The following JAZF1 variants were observed in gnomAD, a reference collection of about 807,000 sequenced individuals.
JAZF1 encodes the protein juxtaposed with another zinc finger protein 1.
A neutral mutation model predicts 26.4 loss-of-function variants in JAZF1; 8 were observed. The ratio of observed to expected loss-of-function variants is 0.30; its 90% confidence interval spans 0.18 to 0.55. The LOEUF is 0.55. Among genes scored for constraint, JAZF1 ranks in the 20% least tolerant of loss-of-function variants. The pLI is 0.94. For synonymous variants in JAZF1, 126 were observed against 122.3 expected, an observed-to-expected ratio of 1.03 and a Z score of -0.20; for missense variants, 199 against 322.0, an observed-to-expected ratio of 0.62 and a Z score of 2.92.
At chr7:27,942,480 G>A (rs1362261273) in intron 2 of JAZF1, among the ~76,000 whole-genome samples, 3 of 152,160 alleles carry the variant, frequency 2.0e-5, no homozygotes, top group African/African-American at 7.2e-5. Context: ...CATTTACTAC[G>A]TGCCAGTCAC....
intron 1 of JAZF1, among the ~76,000 whole-genome samples, chr7:28,067,358 C>A (rs1201196632): frequency 3.9e-5 from 6 of 152,196 alleles, no homozygotes; most frequent in Non-Finnish European, 7.3e-5. Context: ...ATCTTTATCT[C>A]TCCATTGACA....
intron 3 of JAZF1, among the ~76,000 whole-genome samples, chr7:27,872,211 A>G (rs183898531): frequency 7.5e-4 from 115 of 152,352 alleles, no homozygotes; most frequent in Non-Finnish European, 1.2e-3. Flanking sequence ...CTTGGCTGTA[A>G]ACATATTCTT....
intron 1 of JAZF1, among the ~76,000 whole-genome samples, chr7:28,095,522 C>T (rs1784370077): frequency 6.6e-6 from 1 of 152,178 alleles, no homozygotes; most frequent in Non-Finnish European, 1.5e-5. Flanking sequence ...CAATTACCTA[C>T]AGCTGGTCTC....
intron 1 of JAZF1, among the ~76,000 whole-genome samples, chr7:28,084,259 T>A (rs1784180505): frequency 6.6e-6 from 1 of 152,170 alleles, no homozygotes; most frequent in Admixed American, 6.5e-5. Flanking sequence ...TTACTGATTT[T>A]ATGGCACAAT....
At chr7:27,890,136 T>A (rs1783944323) in intron 3 of JAZF1, among the ~76,000 whole-genome samples, 1 of 152,278 alleles carries the variant, frequency 6.6e-6, no homozygotes, top group Admixed American at 6.5e-5. Context: ...GTAAGATTAA[T>A]CTGGTAAATA....
intron 2 of JAZF1, among the ~76,000 whole-genome samples, chr7:27,904,984 G>T (rs919328360): frequency 3.3e-5 from 5 of 152,136 alleles, no homozygotes; most frequent in African/African-American, 1.2e-4. Context: ...ACCAGGCTGG[G>T]GTGCAGTGGT....
At chr7:28,040,493 T>C (rs913295215) in intron 1 of JAZF1, among the ~76,000 whole-genome samples, 4 of 152,150 alleles carry the variant, frequency 2.6e-5, no homozygotes, top group African/African-American at 9.7e-5. Context: ...AAGTCCTAAA[T>C]GATCAGCAGT....
intron 2 of JAZF1, among the ~76,000 whole-genome samples, chr7:27,903,475 G>T (rs536527384): frequency 1.3e-5 from 2 of 152,200 alleles, no homozygotes; most frequent in African/African-American, 4.8e-5. Context: ...GATTACAGGC[G>T]TGAGCCACTG....
chr7:27,907,213 T>C (rs1353623713), intron 2 of JAZF1, among the ~76,000 whole-genome samples: 2 of 152,200 alleles, frequency 1.3e-5, no homozygotes, highest in Admixed American at 6.5e-5. Flanking sequence ...GTCCTCCTTA[T>C]AAAACAGAGG....
chr7:27,866,840 T>C (rs1783481920), intron 3 of JAZF1, among the ~76,000 whole-genome samples: 1 of 152,216 alleles, frequency 6.6e-6, no homozygotes, highest in South Asian at 2.1e-4. Flanking sequence ...TTCACATTAG[T>C]GGAGACCTGG....
chr7:27,870,983 G>C (rs1783570896), intron 3 of JAZF1, among the ~76,000 whole-genome samples: 1 of 152,164 alleles, frequency 6.6e-6, no homozygotes. Context: ...CTGGGTTCAT[G>C]TACCCCCAGC....
chr7:27,865,665 A>G (rs1434947162), intron 3 of JAZF1, among the ~76,000 whole-genome samples: 3 of 152,124 alleles, frequency 2.0e-5, no homozygotes, highest in Non-Finnish European at 4.4e-5. Context: ...TGTGTTAGCT[A>G]GGAGTACAGT....
intron 1 of JAZF1, among the ~76,000 whole-genome samples, chr7:28,047,987 G>A (rs965534682): frequency 1.3e-5 from 2 of 152,142 alleles, no homozygotes; most frequent in Non-Finnish European, 2.9e-5. Flanking sequence ...TGCTTTGGAG[G>A]TGTACAAATT....
chr7:27,998,196 C>T (rs117382218), intron 1 of JAZF1, among the ~76,000 whole-genome samples: 5 of 152,176 alleles, frequency 3.3e-5, no homozygotes, highest in East Asian at 3.9e-4. Context: ...AGAAGCCCTG[C>T]GTCCTGAGTC....
At chr7:27,879,068 C>T (rs1488819388) in intron 3 of JAZF1, among the ~76,000 whole-genome samples, 1 of 152,216 alleles carries the variant, frequency 6.6e-6, no homozygotes, top group Non-Finnish European at 1.5e-5. Context: ...GATCTTAACA[C>T]AGAACTCTCA....
chr7:28,055,359 C>G (rs1231082922), intron 1 of JAZF1, among the ~76,000 whole-genome samples: 1 of 152,032 alleles, frequency 6.6e-6, no homozygotes. Flanking sequence ...GCCTGGCACT[C>G]ATTCCCCACT....
At chr7:27,908,275 G>C (rs1406473893) in intron 2 of JAZF1, among the ~76,000 whole-genome samples, 1 of 147,828 alleles carries the variant, frequency 6.8e-6, no homozygotes, top group Non-Finnish European at 1.5e-5. Context: ...ATTGTTGAAA[G>C]ATAGAGCAGA....
At chr7:27,850,725 T>C (rs972345389) in intron 3 of JAZF1, among the ~76,000 whole-genome samples, 4 of 152,170 alleles carry the variant, frequency 2.6e-5, no homozygotes, top group African/African-American at 9.7e-5. Context: ...TAGTGGCTTC[T>C]CACAGCAAAG....
intron 2 of JAZF1, among the ~76,000 whole-genome samples, chr7:27,913,856 G>A (rs1784401739): frequency 1.3e-5 from 2 of 152,216 alleles, no homozygotes; most frequent in Non-Finnish European, 2.9e-5. Flanking sequence ...GGCAAGCCCT[G>A]TATCCAGCTT....
Sources: allele counts gnomAD v4.1 joint callset (sites outside exome capture counted in the v4.1 genomes callset), GRCh38; gene constraint gnomAD v4.1.1; transcripts MANE v1.5; gene names NCBI Gene and HGNC (gene_info 2026-07-23, HGNC 2026-07-21).